The following MAN1B1 variants were observed in gnomAD, a reference collection of about 807,000 sequenced individuals.
MAN1B1 encodes the protein mannosidase alpha class 1B member 1.
MAN1B1 carries 66 observed loss-of-function variants against 75.5 expected under a neutral mutation model. The ratio of observed to expected loss-of-function variants is 0.87; its 90% confidence interval spans 0.72 to 1.07. MAN1B1 has a LOEUF of 1.07. MAN1B1 is among the 50% of genes least tolerant of loss of function. MAN1B1 has a pLI of 0.00. For missense variants in MAN1B1, 973 were observed against 912.5 expected (o/e 1.07, Z -0.85); for synonymous variants, 453 against 382.8 (o/e 1.18, Z -2.14).
In MAN1B1 at chr9:137,107,294, C is replaced by T; in HGVS notation, c.1611C>T (p.Val537=). The T allele has an allele frequency of 5.6e-6, 9 of 1,613,110 alleles. No individual in the cohort carries two copies. The highest frequency in any genetic ancestry group is 7.6e-6 in the Non-Finnish European group (9 of 1,179,994). The change falls in exon 11 of 13, where the codon GTC becomes GTT. Residue 537 remains valine (V), a synonymous_variant. Transcript: ENST00000371589. ...TGCCAGGGACGCTGGCTCTGGGCGT[C>T]TACCACGGCCTGCCCGCCAGCCACA... ...CFLPGTLALG[V]YHGLPASHME...
intron 3 of MAN1B1, among the ~76,000 whole-genome samples, chr9:137,091,525 T>A (rs1232889289): frequency 2.8e-5 from 4 of 143,510 alleles, no homozygotes; most frequent in East Asian, 2.0e-4. Flanking sequence ...TTTTATATTT[T>A]TTTTTTTTTT....
rs981445779 is a variant in MAN1B1, at chr9:137,108,942, G to T, written c.*351G>T. On this transcript the variant is annotated 3_prime_UTR_variant, in exon 13 of 13. Transcript: ENST00000371589. ...TGGGGTGACCGAGTGGACAGCCCAGGGTGCAGCTCTGCCCGGGCTCGTGAA... is the reference window on the plus strand; with the variant it reads ...TGGGGTGACCGAGTGGACAGCCCAGTGTGCAGCTCTGCCCGGGCTCGTGAA... 1 of 488,958 alleles carries T rather than the reference G, an allele frequency of 2.0e-6. No homozygotes were observed. The allele number at this position is 488,958 out of a possible 1,614,324, so 30.3% of individuals were successfully genotyped here.
intron 9 of MAN1B1, 92 bp downstream of exon 9, chr9:137,106,407 C>T: frequency 1.6e-6 from 2 of 1,212,494 alleles, no homozygotes; most frequent in East Asian, 2.6e-5. Context: ...GGCCCCCGCT[C>T]CTGCTGCCCC....
At chr9:137,100,939 A>G (rs548771608) in intron 6 of MAN1B1, 66 bp from the exon 7 acceptor site, 5 of 1,583,276 alleles carry the variant, frequency 3.2e-6, no homozygotes, top group Non-Finnish European at 4.3e-6. Context: ...TTGAAGATGG[A>G]TAGATAATAG....
Position 137,107,234 on chromosome 9 carries a change from G to C in MAN1B1, c.1567-16G>C. 1 of 1,612,022 alleles carries C rather than the reference G, an allele frequency of 6.2e-7. No homozygotes were observed. Among genetic ancestry groups the C allele is most frequent in the South Asian group, 1.1e-5 (1 of 90,996 alleles). On this transcript the variant is annotated splice_polypyrimidine_tract_variant and intron_variant, in intron 10 of 12. Transcript: ENST00000371589. ...AGGGCCTGGGATCTGGGGCTGAAGAGACCCTCTGATTCCAGGACCACCTGG... is the reference window on the plus strand; with the variant it reads ...AGGGCCTGGGATCTGGGGCTGAAGACACCCTCTGATTCCAGGACCACCTGG...
intron 10 of MAN1B1, 153 bp from the exon 11 acceptor site, chr9:137,107,097 G>T (rs1027875341): frequency 5.9e-6 from 5 of 844,614 alleles, no homozygotes; most frequent in Non-Finnish European, 9.1e-6. Flanking sequence ...GGTCCAGGCA[G>T]CTCCGCTGTT....
intron 3 of MAN1B1, among the ~76,000 whole-genome samples, chr9:137,091,639 G>C (rs1475974718): frequency 1.4e-5 from 2 of 146,104 alleles, no homozygotes; most frequent in Non-Finnish European, 3.0e-5. Flanking sequence ...CCATTCTCCT[G>C]CCTTGGCCTC....
chr9:137,107,089 TC>T, intron 10 of MAN1B1, 160 bp from the exon 11 acceptor site: 1 of 816,186 alleles, frequency 1.2e-6, no homozygotes, highest in Non-Finnish European at 1.9e-6. Flanking sequence ...GAGGGCCTGG[TC>T]CAGGCAGCTC....
chr9:137,090,543 ATT>A (rs1356110350), intron 3 of MAN1B1, among the ~76,000 whole-genome samples: 1 of 142,276 alleles, frequency 7.0e-6, no homozygotes. Flanking sequence ...GGGTGTTTTG[ATT>A]TTTTTTTTTT....
chr9:137,105,496 G>C (rs1045375626), intron 8 of MAN1B1: 2 of 205,784 alleles, frequency 9.7e-6, no homozygotes, highest in East Asian at 3.5e-4. Flanking sequence ...TAGGCAGCCA[G>C]GCCTCGAAGG....
intron 4 of MAN1B1, 80 bp from the exon 5 acceptor site, chr9:137,097,748 G>T (rs947334753): frequency 9.0e-7 from 1 of 1,108,872 alleles, no homozygotes; most frequent in Non-Finnish European, 1.3e-6. Context: ...TGCCTTGGCC[G>T]TGGGTATGGA....
chr9:137,096,002 G>A (rs957888147), intron 3 of MAN1B1, among the ~76,000 whole-genome samples: 5 of 152,208 alleles, frequency 3.3e-5, no homozygotes, highest in Non-Finnish European at 7.3e-5. Context: ...TATTCCCACC[G>A]TGGGAGGGGC....
At chr9:137,094,176 G>A (rs962179230) in intron 3 of MAN1B1, among the ~76,000 whole-genome samples, 7 of 151,646 alleles carry the variant, frequency 4.6e-5, no homozygotes, top group Non-Finnish European at 7.4e-5. Flanking sequence ...CACCACGCCC[G>A]GCTAACTTTT....
rs886063728 is a variant in MAN1B1, at chr9:137,096,298, A to T, written c.527A>T (p.Asp176Val). 1 of 1,614,052 alleles carries T rather than the reference A, an allele frequency of 6.2e-7. No homozygotes were observed. The highest frequency in any genetic ancestry group is 8.5e-7 in the Non-Finnish European group (1 of 1,180,014). ...PHLQIRPPSQ[D>V]LKDGTQEEAT... The stretch of plus-strand genomic sequence containing the variant: ...CTGCAGATTAGACCCCCAAGCCAAG[A>T]CCTGAAGGATGGGACCCAGGAGGAG... Residue 176 changes from aspartate (D) to valine (V), a missense_variant, in exon 4 of 13, where the codon GAC (aspartate) becomes GTC (valine). Transcript: ENST00000371589.
At chr9:137,101,383 C>A in intron 7 of MAN1B1, 101 bp from the exon 8 acceptor site, 4 of 1,232,522 alleles carry the variant, frequency 3.2e-6, no homozygotes, top group South Asian at 1.2e-5. Flanking sequence ...GCTGTGTTGA[C>A]CCCAGAGAGC....
chr9:137,093,336 C>T (rs781678551), intron 3 of MAN1B1, among the ~76,000 whole-genome samples: 6 of 152,102 alleles, frequency 3.9e-5, no homozygotes, highest in Non-Finnish European at 5.9e-5. Context: ...AAGCGGAGTT[C>T]GCACCACTGC....
At chr9:137,105,721 C>A in intron 8 of MAN1B1, 1 of 375,100 alleles carries the variant, frequency 2.7e-6, no homozygotes, top group South Asian at 2.1e-5. Flanking sequence ...TTAATATCAT[C>A]AGGAGCAACA....
chr9:137,096,998 C>G (rs1830669387), intron 4 of MAN1B1, among the ~76,000 whole-genome samples: 1 of 152,236 alleles, frequency 6.6e-6, no homozygotes, highest in African/African-American at 2.4e-5. Flanking sequence ...CAGGAGTGGC[C>G]TGAGACAAGC....
chr9:137,095,703 G>T (rs933088115), intron 3 of MAN1B1, among the ~76,000 whole-genome samples: 1 of 152,196 alleles, frequency 6.6e-6, no homozygotes, highest in African/African-American at 2.4e-5. Flanking sequence ...TCCTGTTCAC[G>T]TGGGGAAGGG....
Sources: allele counts gnomAD v4.1 joint callset (sites outside exome capture counted in the v4.1 genomes callset), GRCh38; gene constraint gnomAD v4.1.1; transcripts MANE v1.5; gene names NCBI Gene and HGNC (gene_info 2026-07-23, HGNC 2026-07-21).